The following SRPK1 variants were observed in gnomAD, a reference collection of about 807,000 sequenced individuals.
SRPK1 encodes SRSF protein kinase 1.
Under a neutral mutation model 89.5 loss-of-function variants are expected in SRPK1, and 52 were observed. The ratio of observed to expected loss-of-function variants is 0.58; its 90% CI spans 0.46 to 0.73. SRPK1 has a LOEUF of 0.73. SRPK1 is among the 30% of genes least tolerant of loss of function. SRPK1 has a pLI of 0.00. For missense variants in SRPK1, 603 were observed against 780.6 expected (o/e 0.77, Z 2.71); for synonymous variants, 255 against 270.2 (o/e 0.94, Z 0.55).
At position 35,861,825 on chromosome 6, in the gene SRPK1, G is replaced by A. The variant is rs550354771; in HGVS notation, c.1513-4457C>T. On this transcript the variant is annotated intron_variant, in intron 12 of 15. Transcript: ENST00000373825. ...CTTGAGTGTACTGTAACTCCCCACA[G>A]TTTCTTGCCCATGCTGTTCATTTGA... Among the ~76,000 whole-genome samples, 3 of 152,292 alleles carry A rather than the reference G, an allele frequency of 2.0e-5. No homozygotes were observed. In the South Asian group the frequency reaches 6.2e-4, roughly 32 times the overall value.
chr6:35,912,063 G>A (rs572505705), intron 2 of SRPK1, among the ~76,000 whole-genome samples: 1 of 152,244 alleles, frequency 6.6e-6, no homozygotes, highest in East Asian at 1.9e-4. Context: ...GCTGGGTGCA[G>A]TGGTTCACAC....
intron 1 of SRPK1, 146 bp from the exon 2 acceptor site, chr6:35,920,674 G>A (rs1375576957): frequency 4.1e-5 from 17 of 418,494 alleles, no homozygotes; most frequent in Non-Finnish European, 5.3e-5. Flanking sequence ...GCCGGCCGTG[G>A]GGCTGGCGGC....
In SRPK1 at chr6:35,921,069, A is replaced by C; in HGVS notation, c.-13T>G. The C allele has an allele frequency of 6.6e-7, 1 of 1,526,318 alleles. No individual in the cohort carries two copies. Among genetic ancestry groups the C allele is most frequent in the Non-Finnish European group, 8.8e-7 (1 of 1,137,282 alleles). The allele number at this position is 1,526,318 out of a possible 1,614,324, so 94.5% of individuals were successfully genotyped here. A position where few individuals can be genotyped will look rare whatever the true frequency, so the allele number is the denominator to read the frequency against. Reference sequence around the variant, plus strand: ...CTTTCCGCTCCATGGTGAGACCGGTAATCGCCAGGCGCCTGCGCACTCGAG... The same window carrying C: ...CTTTCCGCTCCATGGTGAGACCGGTCATCGCCAGGCGCCTGCGCACTCGAG... On this transcript the variant is annotated 5_prime_UTR_variant, in exon 1 of 16. The change creates a new upstream start codon in the 5' untranslated region. Transcript: ENST00000373825.
intron 2 of SRPK1, among the ~76,000 whole-genome samples, chr6:35,893,261 G>A (rs1446389749): frequency 6.6e-6 from 1 of 152,232 alleles, no homozygotes; most frequent in African/African-American, 2.4e-5. Context: ...AAGGCGGGCA[G>A]ATCCCTTGAG....
At chr6:35,893,024 T>C (rs895980521) in intron 2 of SRPK1, among the ~76,000 whole-genome samples, 4 of 152,322 alleles carry the variant, frequency 2.6e-5, no homozygotes, top group Admixed American at 2.0e-4. Context: ...AACTGCATGA[T>C]TCAATGTTCA....
chr6:35,871,033 C>T, intron 8 of SRPK1, 74 bp from the exon 9 acceptor site: 1 of 1,266,684 alleles, frequency 7.9e-7, no homozygotes, highest in Non-Finnish European at 1.1e-6. Context: ...AGATAAAACA[C>T]TCTACCAGAA....
chr6:35,869,275 TA>T (rs1294912704), intron 11 of SRPK1, 165 bp from the exon 12 acceptor site: 5 of 872,802 alleles, frequency 5.7e-6, no homozygotes, highest in Non-Finnish European at 1.7e-6. Context: ...TTTCCAGAAT[TA>T]AAAACCTCTG....
In SRPK1 at chr6:35,834,941, A is replaced by G. The variant is rs1769143528; in HGVS notation, c.*363T>C. 1 of 165,248 alleles carries G rather than the reference A, an allele frequency of 6.1e-6. No homozygotes were observed. The highest frequency in any genetic ancestry group is 1.3e-5 in the Non-Finnish European group (1 of 75,550). The allele number at this position is 165,248 out of a possible 1,614,324, so 10.2% of individuals were successfully genotyped here. ...ATATGCACTAGAAAATTTGACTCTT[A>G]GAGTCAATGAATAAAAGGATGGGCT... is the stretch of plus-strand genomic sequence containing the variant. On this transcript the variant is annotated 3_prime_UTR_variant, in exon 16 of 16. Transcript: ENST00000373825.
chr6:35,890,241 C>T (rs1770491745), intron 3 of SRPK1, among the ~76,000 whole-genome samples: 1 of 152,184 alleles, frequency 6.6e-6, no homozygotes, highest in Non-Finnish European at 1.5e-5. Context: ...CCAGCCTGGG[C>T]AGCTCTGTCT....
intron 2 of SRPK1, among the ~76,000 whole-genome samples, chr6:35,906,921 C>T (rs1770860673): frequency 6.6e-6 from 1 of 152,082 alleles, no homozygotes; most frequent in Non-Finnish European, 1.5e-5. Context: ...TTGGAGCATG[C>T]TAGGGATCTG....
chr6:35,909,371 A>C (rs1770914610), intron 2 of SRPK1, among the ~76,000 whole-genome samples: 2 of 152,194 alleles, frequency 1.3e-5, no homozygotes, highest in Non-Finnish European at 2.9e-5. Flanking sequence ...TCCCATTTGG[A>C]ATGGGAACAT....
At chr6:35,874,452 T>C (rs1770110938) in intron 6 of SRPK1, 113 bp from the exon 7 acceptor site, 1 of 740,090 alleles carries the variant, frequency 1.4e-6, no homozygotes, top group Non-Finnish European at 2.3e-6. Context: ...TATAAAAAGT[T>C]ACAGAGCTTG....
chr6:35,849,325 A>C (rs921419438), intron 13 of SRPK1, among the ~76,000 whole-genome samples: 1 of 152,222 alleles, frequency 6.6e-6, no homozygotes, highest in Admixed American at 6.5e-5. Flanking sequence ...CTGTTATCAC[A>C]AAGACGAAAT....
chr6:35,862,975 G>C (rs1389780379), intron 12 of SRPK1, among the ~76,000 whole-genome samples: 1 of 151,810 alleles, frequency 6.6e-6, no homozygotes, highest in Non-Finnish European at 1.5e-5. Flanking sequence ...GGGCAACATA[G>C]TGAGACCTTG....
chr6:35,916,066 A>ACAC (rs1180798593), intron 2 of SRPK1, among the ~76,000 whole-genome samples: 1 of 138,164 alleles, frequency 7.2e-6, no homozygotes. Flanking sequence ...AAATTAAAAT[A>ACAC]AATTATGGTT....
intron 3 of SRPK1, 68 bp from the exon 4 acceptor site, chr6:35,888,991 T>TTGGCCGGGCGCGGTGGC: frequency 3.8e-6 from 4 of 1,043,640 alleles, no homozygotes; most frequent in Non-Finnish European, 4.5e-6. Context: ...AAAGGCATTT[T>TTGGCCGGGCGCGGTGGC]TAACATCACA....
rs576037520 is a variant in SRPK1 at position 35,833,689 on chromosome 6, G to A, written c.*1615C>T. 1 of 152,744 alleles carries A rather than the reference G, an allele frequency of 6.5e-6. No individual in the cohort carries two copies. The highest frequency in any genetic ancestry group is 1.9e-4 in the East Asian group (1 of 5,190). The allele number at this position is 152,744 out of a possible 1,614,324, so 9.5% of individuals were successfully genotyped here. On this transcript the variant is annotated 3_prime_UTR_variant, in exon 16 of 16. Coordinates refer to ENST00000373825, the MANE Select transcript of SRPK1 (RefSeq NM_003137.5). ...GTTACTCAGAGTAATATGTTTATGA[G>A]TTAAATGGATTGCATAACGGCACCA... is the stretch of plus-strand genomic sequence containing the variant.
At chr6:35,849,129 C>A (rs780954342) in intron 13 of SRPK1, among the ~76,000 whole-genome samples, 48 of 152,046 alleles carry the variant, frequency 3.2e-4, no homozygotes, top group Admixed American at 5.2e-4. Flanking sequence ...GAACTCAACT[C>A]AATAGCAAGA....
intron 13 of SRPK1, among the ~76,000 whole-genome samples, chr6:35,853,305 A>AT (rs374197466): frequency 6.0e-4 from 91 of 152,286 alleles, no homozygotes; most frequent in African/African-American, 2.1e-3. Flanking sequence ...AACAAAAAAA[A>AT]GAAGTTAAAA....
Sources: gnomAD v4.1 joint callset for allele counts (sites outside exome capture counted in the v4.1 genomes callset) on GRCh38, gnomAD v4.1.1 for gene constraint, MANE v1.5 for transcripts, NCBI Gene and HGNC (gene_info 2026-07-23, HGNC 2026-07-21) for gene names.